ZFHX3: variants seen among roughly 807,000 people sequenced by gnomAD.
ZFHX3 encodes zinc finger homeobox 3.
ZFHX3 carries 42 observed loss-of-function variants against 279.1 expected under a neutral mutation model. The ratio of observed to expected loss-of-function variants is 0.15; its 90% CI spans 0.12 to 0.19. The LOEUF (loss-of-function observed/expected upper bound fraction) is 0.19, where lower values mean the gene tolerates loss of function less well. Among genes scored for constraint, ZFHX3 ranks in the 10% least tolerant of loss-of-function variants. The pLI is 1.00. For synonymous variants in ZFHX3, 2,293 were observed against 1,957.8 expected (o/e 1.17, Z -4.52); for missense variants, 4,981 against 4,754.0 (o/e 1.05, Z -1.40).
chr16:73,461,734 A>T (rs144287967), intron 2 of ZFHX3, among the ~76,000 whole-genome samples: 45 of 152,278 alleles, frequency 3.0e-4, no homozygotes, highest in Non-Finnish European at 3.7e-4. Context: ...ATTCTTCTTC[A>T]TTATCCGTGT....
rs566334176 is a variant in ZFHX3 at position 73,188,973 on chromosome 16, C to T, written c.-1103-45142G>A. Among the ~76,000 whole-genome samples, 5 of 151,784 alleles carry T rather than the reference C, an allele frequency of 3.3e-5. No homozygotes were observed. In the East Asian group the frequency reaches 7.8e-4, roughly 24 times the overall value. On this transcript the variant is annotated intron_variant, in intron 5 of 17. Coordinates refer to the ZFHX3 transcript ENST00000641206. Reference sequence around the variant, plus strand: ...CCGCCTCCTGGGTTCAAGCGATTCTCCTGCCTCAGCCTCCCAAGTAGCTGG... The same window carrying T: ...CCGCCTCCTGGGTTCAAGCGATTCTTCTGCCTCAGCCTCCCAAGTAGCTGG...
intron 2 of ZFHX3, among the ~76,000 whole-genome samples, chr16:72,957,025 C>G (rs1370967012): frequency 6.6e-6 from 1 of 152,140 alleles, no homozygotes; most frequent in Admixed American, 6.5e-5. Flanking sequence ...CCCTAGTCCT[C>G]TTATTGAAAT....
intron 2 of ZFHX3, among the ~76,000 whole-genome samples, chr16:73,611,909 C>T (rs2052250720): frequency 6.6e-6 from 1 of 152,188 alleles, no homozygotes; most frequent in South Asian, 2.1e-4. Flanking sequence ...CATACACACA[C>T]ACAACTTCTC....
upstream of ZFHX3, among the ~76,000 whole-genome samples, chr16:73,052,559 A>C (rs898691857): frequency 1.4e-4 from 21 of 152,298 alleles, 1 homozygote; most frequent in Middle Eastern, 0.01. Context: ...AAAAATTCAC[A>C]TATCCTCCAA....
intron 2 of ZFHX3, among the ~76,000 whole-genome samples, chr16:73,521,542 T>C (rs1325756811): frequency 1.3e-5 from 2 of 152,070 alleles, no homozygotes; most frequent in South Asian, 2.1e-4. Context: ...ACACTGACTC[T>C]CATACTTGTT....
chr16:72,946,013 C>A (rs1366370592), intron 3 of ZFHX3, among the ~76,000 whole-genome samples: 1 of 152,174 alleles, frequency 6.6e-6, no homozygotes, highest in South Asian at 2.1e-4. Context: ...GTCTACCATA[C>A]GATGATTTTA....
At chr16:73,679,339 T>A (rs1019572633) in intron 2 of ZFHX3, among the ~76,000 whole-genome samples, 4 of 152,156 alleles carry the variant, frequency 2.6e-5, no homozygotes, top group African/African-American at 9.7e-5. Context: ...AAATATGCCT[T>A]GTATATTTCA....
chr16:72,819,898 ATC>A (rs2036736780), intron 5 of ZFHX3, among the ~76,000 whole-genome samples: 1 of 152,212 alleles, frequency 6.6e-6, no homozygotes, highest in South Asian at 2.1e-4. Flanking sequence ...GTTTACAGAA[ATC>A]TCTTTCTTTC....
At position 73,092,797 on chromosome 16, in the gene ZFHX3, C is replaced by T. The variant is rs567871405; in HGVS notation, c.-533+438G>A. Reference sequence around the variant, plus strand: ...CCTGCTATTTATGGGTTGCTTGGGGCATCCTGTGCTCTCCACTGCCCTTAC... The same window carrying T: ...CCTGCTATTTATGGGTTGCTTGGGGTATCCTGTGCTCTCCACTGCCCTTAC... On this transcript the variant is annotated intron_variant, in intron 8 of 17. Transcript: ENST00000641206. 120 of 390,152 alleles carry T rather than the reference C, an allele frequency of 3.1e-4. No homozygotes were observed. In the Middle Eastern group the frequency reaches 3.6e-3, roughly 12 times the overall value. 24.2% of individuals were successfully genotyped at this position (390,152 alleles called of 1,614,324 possible). A position where few individuals can be genotyped will look rare whatever the true frequency, so the allele number is the denominator to read the frequency against.
intron 2 of ZFHX3, among the ~76,000 whole-genome samples, chr16:73,535,411 C>T (rs1267783174): frequency 1.3e-5 from 2 of 152,196 alleles, no homozygotes; most frequent in African/African-American, 4.8e-5. Context: ...CAGTGCACCA[C>T]TGGTGAGATC....
chr16:72,901,064 C>A (rs965000084), intron 3 of ZFHX3, among the ~76,000 whole-genome samples: 4 of 152,316 alleles, frequency 2.6e-5, no homozygotes, highest in Admixed American at 1.3e-4. Context: ...CTGGCCTGCT[C>A]CAGATACTTC....
At chr16:73,155,235 G>A (rs539260833) in intron 5 of ZFHX3, among the ~76,000 whole-genome samples, 3 of 150,636 alleles carry the variant, frequency 2.0e-5, no homozygotes, top group African/African-American at 7.3e-5. Flanking sequence ...TTTTCAGTTG[G>A]CATGTATACT....
At chr16:73,221,067 T>C (rs973347146) in intron 5 of ZFHX3, among the ~76,000 whole-genome samples, 4 of 152,120 alleles carry the variant, frequency 2.6e-5, no homozygotes, top group African/African-American at 9.7e-5. Flanking sequence ...TGGAATTCAT[T>C]AGGGACAAAG....
intron 2 of ZFHX3, among the ~76,000 whole-genome samples, chr16:73,563,470 G>T (rs2020406500): frequency 6.6e-6 from 1 of 152,010 alleles, no homozygotes; most frequent in South Asian, 2.1e-4. Context: ...TGTTAGCCAG[G>T]ATAGTCTTGA....
At chr16:72,972,729 A>G (rs1462197742) in intron 1 of ZFHX3, among the ~76,000 whole-genome samples, 1 of 151,340 alleles carries the variant, frequency 6.6e-6, no homozygotes, top group Non-Finnish European at 1.5e-5. Context: ...TTAAGCTTCA[A>G]TCTCCCCTGC....
chr16:73,823,137 C>T (rs184969913), intron 1 of ZFHX3, among the ~76,000 whole-genome samples: 4 of 152,142 alleles, frequency 2.6e-5, no homozygotes, highest in Admixed American at 6.5e-5. Context: ...AGGTCTACGA[C>T]GTATATGAAG....
At chr16:73,358,898 A>G (rs568435229) in intron 3 of ZFHX3, among the ~76,000 whole-genome samples, 2 of 152,352 alleles carry the variant, frequency 1.3e-5, no homozygotes, top group Non-Finnish European at 1.5e-5. Context: ...AAACAGAGGT[A>G]ATAATAAGAG....
intron 3 of ZFHX3, among the ~76,000 whole-genome samples, chr16:73,335,789 G>A (rs2015901015): frequency 6.6e-6 from 1 of 152,196 alleles, no homozygotes; most frequent in Non-Finnish European, 1.5e-5. Flanking sequence ...TCAGCTCTGA[G>A]AGCAGAAATG....
intron 1 of ZFHX3, among the ~76,000 whole-genome samples, chr16:73,039,119 A>T (rs1437131051): frequency 0.016 from 1,301 of 80,034 alleles, 16 homozygotes; most frequent in African/African-American, 0.041. Flanking sequence ...TAGCTAATTA[A>T]AAAAAAAAAA....
Sources: allele counts gnomAD v4.1 joint callset (sites outside exome capture counted in the v4.1 genomes callset), GRCh38; gene constraint gnomAD v4.1.1; transcripts MANE v1.5; gene names NCBI Gene and HGNC (gene_info 2026-07-23, HGNC 2026-07-21).